The following SPIDR variants were observed in gnomAD, a reference collection of about 807,000 sequenced individuals.
The protein encoded by SPIDR is DNA repair-scaffolding protein.
A neutral mutation model predicts 104.6 loss-of-function variants in SPIDR; 93 were observed. That is an observed-to-expected ratio of 0.89 (90% CI 0.75 to 1.06). The LOEUF (loss-of-function observed/expected upper bound fraction) is 1.06, where lower values mean the gene tolerates loss of function less well. Ranked by LOEUF, SPIDR falls within the 50% of genes least tolerant of loss-of-function variation. The pLI, the probability that SPIDR is intolerant of heterozygous loss-of-function variation, is 0.00. For synonymous variants in SPIDR, 431 were observed against 416.9 expected, an observed-to-expected ratio of 1.03 and a Z score of -0.41; for missense variants, 1,154 against 1,111.2, an observed-to-expected ratio of 1.04 and a Z score of -0.55.
At chr8:47,495,357 G>A (rs1211027717) in intron 8 of SPIDR, among the ~76,000 whole-genome samples, 2 of 150,000 alleles carry the variant, frequency 1.3e-5, no homozygotes, top group Admixed American at 1.3e-4. Context: ...TATAAAACAG[G>A]TATATGAGAG....
chr8:47,505,802 AC>A (rs2081391175), intron 8 of SPIDR, among the ~76,000 whole-genome samples: 1 of 152,108 alleles, frequency 6.6e-6, no homozygotes, highest in Non-Finnish European at 1.5e-5. Context: ...TAGCAGTGCC[AC>A]CCGGGCTTCC....
At chr8:47,448,246 C>T (rs782190033) in intron 8 of SPIDR, among the ~76,000 whole-genome samples, 1 of 152,098 alleles carries the variant, frequency 6.6e-6, no homozygotes, top group Non-Finnish European at 1.5e-5. Context: ...ACTGTATTCC[C>T]GTTGCCTAGA....
At chr8:47,603,458 A>G (rs868597562) in intron 10 of SPIDR, among the ~76,000 whole-genome samples, 2 of 152,072 alleles carry the variant, frequency 1.3e-5, no homozygotes, top group African/African-American at 4.8e-5. Flanking sequence ...CAGTGGAGCA[A>G]TCATGGCTTA....
rs1340699403 is a variant in SPIDR, at chr8:47,365,776, A to G, written c.526-30600A>G. 2.6e-5 allele frequency among the ~76,000 whole-genome samples: 4 copies of G among 152,314 alleles called. No homozygotes were observed. The East Asian group carries it at 7.7e-4, about 29-fold the overall frequency. On this transcript the variant is annotated intron_variant, in intron 5 of 19. Transcript: ENST00000297423. ...ATGCAGAGGCAAGGGTGGATGACCTATTTTATTAACCTCTATTCTAAAGAC... is the reference window on the plus strand; with the variant it reads ...ATGCAGAGGCAAGGGTGGATGACCTGTTTTATTAACCTCTATTCTAAAGAC...
At chr8:47,633,588 G>A (rs2067417538) in intron 10 of SPIDR, among the ~76,000 whole-genome samples, 5 of 148,284 alleles carry the variant, frequency 3.4e-5, no homozygotes, top group Admixed American at 2.7e-4. Flanking sequence ...AACCAAGCAT[G>A]GTGGCTTTGG....
intron 10 of SPIDR, among the ~76,000 whole-genome samples, chr8:47,652,733 T>A (rs186050291): frequency 1.3e-3 from 203 of 152,324 alleles, no homozygotes; most frequent in Non-Finnish European, 2.5e-3. Context: ...TATGTATGCA[T>A]TTGCCAAGGC....
At chr8:47,696,527 G>A (rs2079362607) in intron 11 of SPIDR, among the ~76,000 whole-genome samples, 1 of 152,116 alleles carries the variant, frequency 6.6e-6, no homozygotes, top group Non-Finnish European at 1.5e-5. Flanking sequence ...CAAATAGATT[G>A]GAAATGTTCA....
intron 14 of SPIDR, among the ~76,000 whole-genome samples, chr8:47,708,559 T>C (rs1409900034): frequency 6.6e-6 from 1 of 152,168 alleles, no homozygotes; most frequent in Non-Finnish European, 1.5e-5. Context: ...TACATGAGGG[T>C]TCACTCTTGG....
chr8:47,293,856 A>G lies in SPIDR; in HGVS notation c.362-11A>G, dbSNP rs2040378182. On this transcript the variant is annotated splice_polypyrimidine_tract_variant and intron_variant, in intron 4 of 19. Coordinates refer to ENST00000297423, the MANE Select transcript of SPIDR (RefSeq NM_001080394.4). ...GAGATAATTAAGCAAGTTAAAAATTATATTTTTTAGATGAATTACAGTTTA... is the reference window on the plus strand; with the variant it reads ...GAGATAATTAAGCAAGTTAAAAATTGTATTTTTTAGATGAATTACAGTTTA... 4 of 1,598,240 alleles carry G rather than the reference A, an allele frequency of 2.5e-6. No individual in the cohort carries two copies. Among genetic ancestry groups the G allele is most frequent in the Non-Finnish European group, 3.4e-6 (4 of 1,170,928 alleles).
intron 5 of SPIDR, among the ~76,000 whole-genome samples, chr8:47,314,086 A>G (rs587710540): frequency 1.3e-5 from 2 of 152,342 alleles, no homozygotes; most frequent in East Asian, 3.9e-4. Flanking sequence ...TTATAATGTT[A>G]CAATATGGCA....
intron 10 of SPIDR, among the ~76,000 whole-genome samples, chr8:47,630,930 T>C (rs1410092787): frequency 2.0e-5 from 3 of 152,132 alleles, no homozygotes; most frequent in African/African-American, 7.2e-5. Flanking sequence ...ACAGTACCCC[T>C]GTAACACGGA....
At chr8:47,556,189 G>A (rs2154399482) in intron 8 of SPIDR, among the ~76,000 whole-genome samples, 1 of 152,314 alleles carries the variant, frequency 6.6e-6, no homozygotes, top group South Asian at 2.1e-4. Flanking sequence ...CTCAAGCATA[G>A]AACCACAACT....
At chr8:47,598,232 T>G (rs2061845386) in intron 9 of SPIDR, among the ~76,000 whole-genome samples, 1 of 152,268 alleles carries the variant, frequency 6.6e-6, no homozygotes, top group East Asian at 1.9e-4. Context: ...GTGTGAACTT[T>G]GGAGCCAGAT....
At chr8:47,576,017 A>C (rs1411917757) in intron 8 of SPIDR, among the ~76,000 whole-genome samples, 1 of 151,382 alleles carries the variant, frequency 6.6e-6, no homozygotes, top group Non-Finnish European at 1.5e-5. Context: ...GTTAAGTGAT[A>C]ATTTTAAACG....
chr8:47,536,399 T>G (rs1257311841), intron 8 of SPIDR, among the ~76,000 whole-genome samples: 1 of 152,132 alleles, frequency 6.6e-6, no homozygotes, highest in African/African-American at 2.4e-5. Flanking sequence ...TGGTAAGTAA[T>G]CAAGGCAGTG....
intron 8 of SPIDR, among the ~76,000 whole-genome samples, chr8:47,570,147 A>G (rs1275060226): frequency 6.6e-6 from 1 of 152,190 alleles, no homozygotes; most frequent in Non-Finnish European, 1.5e-5. Flanking sequence ...GAAGAAAGTT[A>G]TAGGACTCAC....
At chr8:47,628,499 C>T (rs1410229381) in intron 10 of SPIDR, among the ~76,000 whole-genome samples, 1 of 152,092 alleles carries the variant, frequency 6.6e-6, no homozygotes, top group Non-Finnish European at 1.5e-5. Flanking sequence ...ATAGTGACAC[C>T]TTTTCTTTCT....
At chr8:47,266,336 G>A (rs1261821274) in intron 1 of SPIDR, among the ~76,000 whole-genome samples, 1 of 151,970 alleles carries the variant, frequency 6.6e-6, no homozygotes, top group African/African-American at 2.4e-5. Flanking sequence ...TCACCGTGTT[G>A]CCCAGGCTGG....
chr8:47,493,677 A>G (rs2079053538), intron 8 of SPIDR, among the ~76,000 whole-genome samples: 1 of 152,112 alleles, frequency 6.6e-6, no homozygotes, highest in Non-Finnish European at 1.5e-5. Context: ...TGATGAGAAA[A>G]TCTTACTGTT....
Sources: allele counts gnomAD v4.1 joint callset (sites outside exome capture counted in the v4.1 genomes callset), GRCh38; gene constraint gnomAD v4.1.1; transcripts MANE v1.5; gene names NCBI Gene and HGNC (gene_info 2026-07-23, HGNC 2026-07-21).